Variants in ABCB5 observed in about 807,000 individuals in gnomAD.
The protein encoded by ABCB5 is ATP-binding cassette sub-family B member 5.
A neutral mutation model predicts 144.2 loss-of-function variants in ABCB5; 155 were observed. The ratio of observed to expected loss-of-function variants is 1.08; its 90% CI spans 0.94 to 1.23. The LOEUF (loss-of-function observed/expected upper bound fraction) is 1.23, where lower values mean the gene tolerates loss of function less well. Among genes scored for constraint, ABCB5 ranks in the 50% most tolerant of loss-of-function variants. The pLI, the probability that ABCB5 is intolerant of heterozygous loss-of-function variation, is 0.00. For synonymous variants in ABCB5, 610 were observed against 528.6 expected (o/e 1.15, Z -2.11); for missense variants, 1,830 against 1,520.8 (o/e 1.20, Z -3.38).
chr7:20,665,972 C>T (rs10950827), intron 14 of ABCB5, among the ~76,000 whole-genome samples: 1 of 150,974 alleles, frequency 6.6e-6, no homozygotes, highest in African/African-American at 2.4e-5. Context: ...GAGTTTGAGA[C>T]CAGCCTGACC....
At chr7:20,647,249 ATC>A in intron 9 of ABCB5, 1 of 1,109,102 alleles carries the variant, frequency 9.0e-7, no homozygotes, top group Non-Finnish European at 1.1e-6. Context: ...CTGGTCACAC[ATC>A]CCAGCATGTG....
intron 14 of ABCB5, among the ~76,000 whole-genome samples, chr7:20,676,357 T>C (rs1253894937): frequency 6.6e-6 from 1 of 151,590 alleles, no homozygotes; most frequent in Non-Finnish European, 1.5e-5. Context: ...TAAATATTTA[T>C]TGGCAGATTA....
intron 26 of ABCB5, among the ~76,000 whole-genome samples, chr7:20,746,932 A>C (rs1319189389): frequency 6.6e-6 from 1 of 152,168 alleles, no homozygotes; most frequent in African/African-American, 2.4e-5. Flanking sequence ...ACAACTAATA[A>C]TCTAGAGCCC....
At chr7:20,750,172 G>A (rs1583469836) in intron 26 of ABCB5, among the ~76,000 whole-genome samples, 1 of 152,146 alleles carries the variant, frequency 6.6e-6, no homozygotes, top group Admixed American at 6.5e-5. Context: ...TCAGTTCAGA[G>A]CTATTTCCAG....
chr7:20,742,836 C>A, intron 24 of ABCB5, 41 bp from the exon 25 acceptor site: 1 of 1,599,544 alleles, frequency 6.3e-7, no homozygotes, highest in Non-Finnish European at 8.6e-7. Flanking sequence ...TTACAACCTT[C>A]CCAAGTCATT....
chr7:20,700,064 T>C lies in ABCB5; in HGVS notation c.2266T>C (p.Phe756Leu). 1 of 1,613,756 alleles carries C rather than the reference T, an allele frequency of 6.2e-7. No individual in the cohort carries two copies. The highest frequency in any genetic ancestry group is 8.5e-7 in the Non-Finnish European group (1 of 1,179,810). ...TTGTTTGTTTGCTTTTCAGGGATTATTTTACGGCAGAGCAGGGGAAATTTT... is the reference window on the plus strand; with the variant it reads ...TTGTTTGTTTGCTTTTCAGGGATTACTTTACGGCAGAGCAGGGGAAATTTT... ...CFVSYFMQGL[F>L]YGRAGEILTM... The change falls in exon 19 of 28, where the codon TTT (phenylalanine) becomes CTT (leucine). Residue 756 changes from phenylalanine (F) to leucine (L), a missense_variant. Phe to Leu is a conservative substitution (Grantham distance 22). Coordinates refer to ENST00000404938, the MANE Select transcript of ABCB5 (RefSeq NM_001163941.2).
chr7:20,675,617 T>G (rs1785575435), intron 14 of ABCB5, among the ~76,000 whole-genome samples: 2 of 151,866 alleles, frequency 1.3e-5, no homozygotes, highest in African/African-American at 4.8e-5. Flanking sequence ...TTCTCGGATA[T>G]GATGCCAAAA....
Position 20,627,482 on chromosome 7 carries a change from A to G in ABCB5, c.108+871A>G, listed in dbSNP as rs543776401. Among the ~76,000 whole-genome samples, 7 of 152,168 alleles carry G rather than the reference A, an allele frequency of 4.6e-5. No individual in the cohort carries two copies. The South Asian group carries it at 1.5e-3, about 32-fold the overall frequency. On this transcript the variant is annotated intron_variant, in intron 3 of 27. Transcript: ENST00000404938. Reference sequence around the variant, plus strand: ...CTCTTGCTGTTATTAAAATCTAATTACATTTTAATACCATTTAAATTTTAT... The same window carrying G: ...CTCTTGCTGTTATTAAAATCTAATTGCATTTTAATACCATTTAAATTTTAT...
Position 20,631,991 on chromosome 7 carries a change from C to T in ABCB5, c.260-68C>T, listed in dbSNP as rs1784050120. The T allele has an allele frequency of 9.9e-6, 10 of 1,008,168 alleles. No individual in the cohort carries two copies. The East Asian group carries it at 2.2e-4, about 22-fold the overall frequency. The allele number at this position is 1,008,168 out of a possible 1,614,324, so 62.5% of individuals were successfully genotyped here. A position where few individuals can be genotyped will look rare whatever the true frequency, so the allele number is the denominator to read the frequency against. ...AGTGCACTATATTTGGTTTGGAGGG[C>T]TATCTGTGTAACAGTGTGACCAATT... On this transcript the variant is annotated intron_variant, in intron 4 of 27. Coordinates refer to ENST00000404938, the MANE Select transcript of ABCB5 (RefSeq NM_001163941.2).
At chr7:20,634,047 A>G (rs945408799) in intron 5 of ABCB5, among the ~76,000 whole-genome samples, 1 of 151,890 alleles carries the variant, frequency 6.6e-6, no homozygotes, top group Non-Finnish European at 1.5e-5. Flanking sequence ...TGAGTCTCCA[A>G]TGTCTATTAT....
intron 22 of ABCB5, among the ~76,000 whole-genome samples, chr7:20,727,589 G>T (rs1221898451): frequency 6.6e-6 from 1 of 151,998 alleles, no homozygotes; most frequent in East Asian, 1.9e-4. Context: ...GCAAAAATTA[G>T]CTGGGTGTGG....
At chr7:20,731,442 T>C (rs1265556483) in intron 23 of ABCB5, among the ~76,000 whole-genome samples, 2 of 151,496 alleles carry the variant, frequency 1.3e-5, no homozygotes, top group Non-Finnish European at 2.9e-5. Flanking sequence ...GTTGGAGGGC[T>C]TTAGAGCTCC....
At chr7:20,733,391 T>G (rs529077080) in intron 23 of ABCB5, among the ~76,000 whole-genome samples, 5 of 152,220 alleles carry the variant, frequency 3.3e-5, no homozygotes, top group Admixed American at 2.6e-4. Flanking sequence ...GTCCCCAATA[T>G]AAAATTTCTT....
chr7:20,648,849 T>C (rs1784493234), intron 11 of ABCB5, among the ~76,000 whole-genome samples: 1 of 152,250 alleles, frequency 6.6e-6, no homozygotes, highest in Non-Finnish European at 1.5e-5. Context: ...TTTTCAAAGC[T>C]CTTTAGTTTT....
chr7:20,645,894 A>C lies in ABCB5; in HGVS notation c.803+14A>C, dbSNP rs778957465. ...AGAACTTCAAAGGTCTTTCCTTTTA[A>C]ATATAACAAGATATGCTTGGTTTTA... On this transcript the variant is annotated intron_variant, in intron 8 of 27. Transcript: ENST00000404938. The C allele has an allele frequency of 8.7e-6, 14 of 1,613,008 alleles. No homozygotes were observed. The highest frequency in any genetic ancestry group is 1.2e-5 in the Non-Finnish European group (14 of 1,179,558).
intron 20 of ABCB5, among the ~76,000 whole-genome samples, chr7:20,711,487 G>T (rs1490587555): frequency 5.6e-5 from 8 of 142,662 alleles, no homozygotes; most frequent in Non-Finnish European, 7.6e-5. Context: ...TTTGAGACAC[G>T]GTCTCACTCT....
In ABCB5 at chr7:20,658,740, A is replaced by G. The variant is rs1040530826; in HGVS notation, c.1707+64A>G. On this transcript the variant is annotated intron_variant, in intron 14 of 27. Coordinates refer to ENST00000404938, the MANE Select transcript of ABCB5 (RefSeq NM_001163941.2). ...GTTCATTATTGTTTTGAAGTACAAG[A>G]AAGTATAGATCTGTAATAGATTACT... 16 of 1,565,182 alleles carry G rather than the reference A, an allele frequency of 1.0e-5. No homozygotes were observed. In the African/African-American group the frequency reaches 1.2e-4, roughly 12 times the overall value.
At position 20,645,976 on chromosome 7, in the gene ABCB5, C is replaced by T; in HGVS notation, c.819C>T (p.Leu273=). ...EKELQRYTQN[L]KDAKDFGIKR... ...TTTTTGTAAGGTATACACAGAATCT[C>T]AAAGATGCAAAGGATTTTGGCATAA... Residue 273 remains leucine (L), a synonymous_variant, in exon 9 of 28, where the codon CTC becomes CTT. Coordinates refer to ENST00000404938, the MANE Select transcript of ABCB5 (RefSeq NM_001163941.2). The T allele has an allele frequency of 6.2e-7, 1 of 1,613,504 alleles. No homozygotes were observed. The highest frequency in any genetic ancestry group is 8.5e-7 in the Non-Finnish European group (1 of 1,179,710).
rs150988548 is a variant in ABCB5 at position 20,726,354 on chromosome 7, C to T, written c.2626-686C>T. On this transcript the variant is annotated intron_variant, in intron 21 of 27. Transcript: ENST00000404938. ...TAATTATGTGATTACTTTATCTCTG[C>T]TATCTTTTTTTTTTTTTTTTTTTTT... is the stretch of plus-strand genomic sequence containing the variant. Among the ~76,000 whole-genome samples the T allele has an allele frequency of 3.4e-3, 336 of 98,852 alleles. 1 individual carries two copies. Among genetic ancestry groups the T allele is most frequent in the African/African-American group, 0.013 (320 of 24,810 alleles). 64.9% of individuals were successfully genotyped at this position (98,852 alleles called of 152,430 possible). A position where few individuals can be genotyped will look rare whatever the true frequency, so the allele number is the denominator to read the frequency against.
Sources: gnomAD v4.1 joint callset for allele counts (sites outside exome capture counted in the v4.1 genomes callset) on GRCh38, gnomAD v4.1.1 for gene constraint, MANE v1.5 for transcripts, NCBI Gene and HGNC (gene_info 2026-07-23, HGNC 2026-07-21) for gene names.